PDLIM1: variants seen among roughly 807,000 people sequenced by gnomAD.
PDLIM1 encodes the protein PDZ and LIM domain protein 1.
A neutral mutation model predicts 35.2 loss-of-function variants in PDLIM1; 25 were observed. The observed-to-expected ratio is 0.71, with a 90% CI of 0.52 to 0.99. The LOEUF (loss-of-function observed/expected upper bound fraction) is 0.99. Ranked by LOEUF, PDLIM1 falls within the 50% of genes least tolerant of loss-of-function variation. The pLI is 0.00. For synonymous variants in PDLIM1, 152 were observed against 154.0 expected, an observed-to-expected ratio of 0.99 and a Z score of 0.10; for missense variants, 363 against 415.3, an observed-to-expected ratio of 0.87 and a Z score of 1.09.
intron 2 of PDLIM1, among the ~76,000 whole-genome samples, chr10:95,270,811 C>T (rs1204530594): frequency 3.3e-5 from 5 of 151,906 alleles, no homozygotes; most frequent in South Asian, 4.2e-4. Context: ...AGTGCAGTGA[C>T]GCCATCTCAG....
intron 4 of PDLIM1, among the ~76,000 whole-genome samples, chr10:95,253,970 G>T (rs2035288988): frequency 6.6e-6 from 1 of 151,946 alleles, no homozygotes; most frequent in African/African-American, 2.4e-5. Context: ...GATAACTACT[G>T]AAAAGGTTAT....
chr10:95,261,749 C>T (rs2035363449), intron 4 of PDLIM1, among the ~76,000 whole-genome samples: 1 of 152,204 alleles, frequency 6.6e-6, no homozygotes, highest in Admixed American at 6.5e-5. Flanking sequence ...TGGCTCACGT[C>T]TGTAAGCCCA....
intron 1 of PDLIM1, among the ~76,000 whole-genome samples, chr10:95,287,621 T>G (rs953824721): frequency 6.6e-6 from 1 of 152,012 alleles, no homozygotes; most frequent in Admixed American, 6.6e-5. Context: ...TCTGAAGGCT[T>G]CCCTTGAAAG....
At chr10:95,282,646 A>T (rs552213586) in intron 1 of PDLIM1, among the ~76,000 whole-genome samples, 1 of 152,362 alleles carries the variant, frequency 6.6e-6, no homozygotes, top group East Asian at 1.9e-4. Context: ...TAAATTCTTA[A>T]GAAGTCATCG....
chr10:95,242,812 C>T (rs1033897536), intron 5 of PDLIM1, among the ~76,000 whole-genome samples: 3 of 152,172 alleles, frequency 2.0e-5, no homozygotes, highest in Non-Finnish European at 2.9e-5. Context: ...GCATCCCAAA[C>T]GGATTCCCTC....
intron 4 of PDLIM1, among the ~76,000 whole-genome samples, chr10:95,259,458 G>A (rs547050271): frequency 2.0e-5 from 3 of 152,204 alleles, no homozygotes; most frequent in Non-Finnish European, 2.9e-5. Flanking sequence ...ACCCAAAAAC[G>A]CCATTCTGGG....
rs1056330147 is a variant in PDLIM1, at chr10:95,290,741, A to C, written c.96+79T>G. ...GGCTGCGGTTCCGACTCCGTCCCCG[A>C]CCGCGCCCGCGGGGCCCCAGTCTCC... On this transcript the variant is annotated intron_variant, in intron 1 of 6. Transcript: ENST00000329399. This position sits in a 1 kb window ranked among gnomAD's most constrained non-coding sequence, Gnocchi z 4.7. 6.9e-6 allele frequency: 7 copies of C among 1,017,498 alleles called. No homozygotes were observed. The African/African-American group carries it at 1.0e-4, about 15-fold the overall frequency. The allele number at this position is 1,017,498 out of a possible 1,614,324, so 63.0% of individuals were successfully genotyped here.
intron 1 of PDLIM1, among the ~76,000 whole-genome samples, chr10:95,283,981 C>CTCTCTGTGTGTGTGTG (rs143926521): frequency 6.7e-6 from 1 of 150,206 alleles, no homozygotes; most frequent in African/African-American, 2.5e-5. Context: ...GCCTTTTTCT[C>CTCTCTGTGTGTGTGTG]TGTGTGTGTG....
chr10:95,290,574 C>G lies in PDLIM1; in HGVS notation c.96+246G>C, dbSNP rs1473718109. 1.3e-5 allele frequency among the ~76,000 whole-genome samples: 2 copies of G among 152,140 alleles called. No individual in the cohort carries two copies. The highest frequency in any genetic ancestry group is 2.9e-5 in the Non-Finnish European group (2 of 68,008). Reference sequence around the variant, plus strand: ...TCCGGGGCCAAAGAACGAAAACTGCCTTCTTTTTTTCTGGCGGACACGGAG... The same window carrying G: ...TCCGGGGCCAAAGAACGAAAACTGCGTTCTTTTTTTCTGGCGGACACGGAG... On this transcript the variant is annotated intron_variant, in intron 1 of 6. Coordinates refer to ENST00000329399, the MANE Select transcript of PDLIM1 (RefSeq NM_020992.4). The surrounding 1 kb of genome is among the most constrained non-coding windows in gnomAD (Gnocchi z 4.7).
intron 4 of PDLIM1, among the ~76,000 whole-genome samples, chr10:95,259,730 G>A (rs560335899): frequency 1.8e-4 from 28 of 152,320 alleles, no homozygotes; most frequent in Admixed American, 1.8e-3. Flanking sequence ...CATCATCCTT[G>A]TGATAATATT....
At chr10:95,275,917 A>C (rs1045264974) in intron 1 of PDLIM1, among the ~76,000 whole-genome samples, 1 of 152,190 alleles carries the variant, frequency 6.6e-6, no homozygotes, top group African/African-American at 2.4e-5. Flanking sequence ...CAAACTGGTA[A>C]GAAGCCAAAG....
intron 4 of PDLIM1, among the ~76,000 whole-genome samples, chr10:95,254,926 GTAAA>G (rs200795366): frequency 6.6e-6 from 1 of 151,766 alleles, no homozygotes; most frequent in Admixed American, 6.6e-5. Flanking sequence ...AAGTAAGTAA[GTAAA>G]TAAATAAATA....
At chr10:95,251,803 G>A (rs2035270273) in intron 4 of PDLIM1, among the ~76,000 whole-genome samples, 1 of 152,178 alleles carries the variant, frequency 6.6e-6, no homozygotes, top group African/African-American at 2.4e-5. Flanking sequence ...AAAACAACAT[G>A]AGAAGACTCT....
chr10:95,271,966 C>T (rs946981829), intron 1 of PDLIM1, among the ~76,000 whole-genome samples, 182 bp from the exon 2 acceptor site: 2 of 152,170 alleles, frequency 1.3e-5, no homozygotes, highest in Non-Finnish European at 2.9e-5. Flanking sequence ...CTAATATGAT[C>T]TCATTGTATC....
At chr10:95,279,236 C>T (rs2035539864) in intron 1 of PDLIM1, among the ~76,000 whole-genome samples, 1 of 152,166 alleles carries the variant, frequency 6.6e-6, no homozygotes, top group Non-Finnish European at 1.5e-5. Flanking sequence ...TAGCCACAGG[C>T]TCTACCATGC....
chr10:95,276,185 A>G (rs1239380813), intron 1 of PDLIM1, among the ~76,000 whole-genome samples: 1 of 152,208 alleles, frequency 6.6e-6, no homozygotes, highest in African/African-American at 2.4e-5. Flanking sequence ...GAGTGGTTCA[A>G]GTTCACACAG....
chr10:95,280,449 T>A (rs1315920238), intron 1 of PDLIM1, among the ~76,000 whole-genome samples: 8 of 152,218 alleles, frequency 5.3e-5, no homozygotes, highest in Non-Finnish European at 1.2e-4. Context: ...TTGTGACCAC[T>A]GGCTCAGTTT....
chr10:95,262,832 GCA>G (rs1278251001), intron 4 of PDLIM1, among the ~76,000 whole-genome samples: 3 of 152,126 alleles, frequency 2.0e-5, no homozygotes, highest in African/African-American at 7.2e-5. Flanking sequence ...CCCTCTGCTG[GCA>G]AGATCCAGGA....
At chr10:95,246,033 G>A (rs1379985402) in intron 5 of PDLIM1, among the ~76,000 whole-genome samples, 1 of 152,164 alleles carries the variant, frequency 6.6e-6, no homozygotes, top group Non-Finnish European at 1.5e-5. Context: ...CCCCTCACTG[G>A]AGCATCCACT....
Sources: gnomAD v4.1 joint callset for allele counts (sites outside exome capture counted in the v4.1 genomes callset) on GRCh38, gnomAD v4.1.1 for gene constraint, Gnocchi (gnomAD v3.1) non-coding constraint, MANE v1.5 for transcripts, NCBI Gene and HGNC (gene_info 2026-07-23, HGNC 2026-07-21) for gene names.